The following IKZF1 variants were observed in gnomAD, a reference collection of about 807,000 sequenced individuals.
The protein encoded by IKZF1 is DNA-binding protein Ikaros.
A neutral mutation model predicts 51.7 loss-of-function variants in IKZF1; 10 were observed. The ratio of observed to expected loss-of-function variants is 0.19; its 90% CI spans 0.12 to 0.33. IKZF1 has a LOEUF of 0.33. IKZF1 is among the 10% of genes least tolerant of loss of function. IKZF1 has a pLI of 1.00. For missense variants in IKZF1, 484 were observed against 707.5 expected, an observed-to-expected ratio of 0.68 and a Z score of 3.58; for synonymous variants, 280 against 282.3, an observed-to-expected ratio of 0.99 and a Z score of 0.08.
chr7:50,400,586 T>G lies in IKZF1; in HGVS notation c.1519T>G (p.Ser507Ala). ...YHSQDRYEFS[S>A]HITRGEHRFH... ...CAGCCAGGACCGGTACGAGTTCTCG[T>G]CGCACATAACGCGAGGGGAGCACCG... Residue 507 changes from serine to alanine, a missense_variant, in exon 8 of 8, where the codon TCG becomes GCG. Physicochemically the swap from Ser to Ala is moderately conservative, Grantham distance 99. Coordinates refer to ENST00000331340, the MANE Select transcript of IKZF1 (RefSeq NM_006060.6). This position sits in a 1 kb window ranked among gnomAD's most constrained non-coding sequence, Gnocchi z 5.4. 1 of 1,613,146 alleles carries G rather than the reference T, an allele frequency of 6.2e-7. No homozygotes were observed. Among genetic ancestry groups the G allele is most frequent in the East Asian group, 2.2e-5 (1 of 44,868 alleles).
intron 3 of IKZF1, among the ~76,000 whole-genome samples, chr7:50,358,630 G>T (rs1584753120): frequency 1.3e-5 from 2 of 152,362 alleles, no homozygotes; most frequent in South Asian, 2.1e-4. Context: ...ACCTTCAGGT[G>T]GTTGGAGGCA....
chr7:50,305,271 G>C (rs1788513504), intron 1 of IKZF1, among the ~76,000 whole-genome samples: 1 of 152,142 alleles, frequency 6.6e-6, no homozygotes, highest in Non-Finnish European at 1.5e-5. Flanking sequence ...CCTTATATTT[G>C]AGCCGGGAGC....
At chr7:50,392,096 G>A (rs1209154312) in intron 7 of IKZF1, among the ~76,000 whole-genome samples, 1 of 152,218 alleles carries the variant, frequency 6.6e-6, no homozygotes, top group Non-Finnish European at 1.5e-5. Context: ...TCTGGGGCCT[G>A]CCCTGTGATC....
At chr7:50,325,906 T>A (rs547900233) in intron 2 of IKZF1, among the ~76,000 whole-genome samples, 3 of 152,386 alleles carry the variant, frequency 2.0e-5, no homozygotes, top group South Asian at 4.1e-4. Flanking sequence ...TGGGAAATTC[T>A]TATAATCCTG....
intron 3 of IKZF1, among the ~76,000 whole-genome samples, chr7:50,372,658 C>G (rs1809054806): frequency 6.6e-6 from 1 of 151,592 alleles, no homozygotes; most frequent in Admixed American, 6.5e-5. Context: ...TCTTCAAACT[C>G]TATATATTCC....
At chr7:50,326,419 T>C (rs1795035412) in intron 2 of IKZF1, among the ~76,000 whole-genome samples, 1 of 152,208 alleles carries the variant, frequency 6.6e-6, no homozygotes, top group African/African-American at 2.4e-5. Flanking sequence ...CACGTAGCTA[T>C]ACTGCATAAG....
At chr7:50,358,435 C>T (rs1804173912) in intron 3 of IKZF1, among the ~76,000 whole-genome samples, 1 of 152,210 alleles carries the variant, frequency 6.6e-6, no homozygotes, top group African/African-American at 2.4e-5. Flanking sequence ...AGAGGGGCAG[C>T]CAGCATTTCC....
chr7:50,347,344 G>A (rs1179372661), intron 3 of IKZF1, among the ~76,000 whole-genome samples: 1 of 152,180 alleles, frequency 6.6e-6, no homozygotes. Context: ...TCTCTGATAA[G>A]GATCAGATCC....
chr7:50,400,633 T>TC lies in IKZF1; in HGVS notation c.*9dup. 1.2e-6 allele frequency: 2 copies of TC among 1,602,342 alleles called. No homozygotes were observed. Among genetic ancestry groups the TC allele is most frequent in the Non-Finnish European group, 1.7e-6 (2 of 1,178,442 alleles). On this transcript the variant is annotated 3_prime_UTR_variant, in exon 8 of 8. Transcript: ENST00000331340. This position sits in a 1 kb window ranked among gnomAD's most constrained non-coding sequence, Gnocchi z 5.4. ...ACCGCTTCCACATGAGCTAAAGCCC[T>TC]CCCGCGCCCCCACCCCAGACCCCGA... is the stretch of plus-strand genomic sequence containing the variant.
intron 2 of IKZF1, 53 bp downstream of exon 2, chr7:50,319,154 G>A: frequency 1.3e-6 from 2 of 1,526,096 alleles, no homozygotes; most frequent in East Asian, 2.2e-5. Context: ...AGCTTCCCTG[G>A]GGCCGGAAGT....
Position 50,400,472 on chromosome 7 carries a change from G to T in IKZF1, c.1405G>T (p.Val469Leu), listed in dbSNP as rs750786723. ...GGTGTACAAGTGCGAACACTGCCGG[G>T]TGCTCTTCCTGGATCACGTCATGTA... is the stretch of plus-strand genomic sequence containing the variant. Reference protein sequence around the residue: ...MKVYKCEHCRVLFLDHVMYTI... With the variant: ...MKVYKCEHCRLLFLDHVMYTI... The change falls in exon 8 of 8, where the codon GTG becomes TTG. Residue 469 changes from valine to leucine, a missense_variant. By Grantham distance (32) the Val-to-Leu change is conservative (BLOSUM62 1). Transcript: ENST00000331340. This position sits in a 1 kb window ranked among gnomAD's most constrained non-coding sequence, Gnocchi z 5.4. 3 of 1,614,056 alleles carry T rather than the reference G, an allele frequency of 1.9e-6. No homozygotes were observed. Among genetic ancestry groups the T allele is most frequent in the Non-Finnish European group, 2.5e-6 (3 of 1,179,930 alleles).
At chr7:50,339,213 G>GCTT (rs1798474217) in intron 3 of IKZF1, among the ~76,000 whole-genome samples, 2 of 136,596 alleles carry the variant, frequency 1.5e-5, no homozygotes, top group South Asian at 5.0e-4. Flanking sequence ...TTTTGGGTAG[G>GCTT]GTTGTGTGTG....
rs147341185 is a variant in IKZF1 at position 50,389,405 on chromosome 7, G to A, written c.715+1935G>A. On this transcript the variant is annotated intron_variant, in intron 6 of 7. Transcript: ENST00000331340. Reference sequence around the variant, plus strand: ...TGTATTAAATATTACCCTGTGGTGAGTATCAATTTCACCCTAAAATGTTCA... The same window carrying A: ...TGTATTAAATATTACCCTGTGGTGAATATCAATTTCACCCTAAAATGTTCA... Among the ~76,000 whole-genome samples, 240 of 152,310 alleles carry A rather than the reference G, an allele frequency of 1.6e-3. 1 individual carries two copies. The highest frequency in any genetic ancestry group is 5.4e-3 in the African/African-American group (224 of 41,562).
At chr7:50,325,729 C>T (rs1057339839) in intron 2 of IKZF1, among the ~76,000 whole-genome samples, 10 of 151,694 alleles carry the variant, frequency 6.6e-5, no homozygotes, top group African/African-American at 1.9e-4. Flanking sequence ...GAGCCAAGAT[C>T]GCGCCACTGC....
intron 7 of IKZF1, 75 bp downstream of exon 7, chr7:50,391,938 G>A: frequency 6.8e-7 from 1 of 1,470,924 alleles, no homozygotes; most frequent in Non-Finnish European, 9.1e-7. Context: ...AATGAGTTGA[G>A]GGTGGAAGAA....
In IKZF1 at chr7:50,325,336, A is replaced by G. The variant is rs376315359; in HGVS notation, c.41-2302A>G. ...TTCATAAAGTCCTGGGAGTTTGAAC[A>G]CCATTGCTCTAGGAAGTCATCTTAT... On this transcript the variant is annotated intron_variant, in intron 2 of 7. Coordinates refer to ENST00000331340, the MANE Select transcript of IKZF1 (RefSeq NM_006060.6). Among the ~76,000 whole-genome samples, 21 of 145,872 alleles carry G rather than the reference A, an allele frequency of 1.4e-4. No homozygotes were observed. In the East Asian group the frequency reaches 3.9e-3, roughly 27 times the overall value.
chr7:50,387,978 C>G (rs566745977), intron 6 of IKZF1, among the ~76,000 whole-genome samples: 2 of 152,192 alleles, frequency 1.3e-5, no homozygotes, highest in South Asian at 4.1e-4. Context: ...TTGTTGGAAG[C>G]CCCTGGTAGT....
At chr7:50,360,358 T>C (rs1167846317) in intron 3 of IKZF1, among the ~76,000 whole-genome samples, 1 of 152,070 alleles carries the variant, frequency 6.6e-6, no homozygotes, top group East Asian at 1.9e-4. Flanking sequence ...AGTTGATCGC[T>C]TAGGTGGACA....
intron 3 of IKZF1, among the ~76,000 whole-genome samples, chr7:50,359,341 T>A (rs568304789): frequency 6.6e-6 from 1 of 152,358 alleles, no homozygotes; most frequent in Admixed American, 6.5e-5. Context: ...TGCTTCTTTG[T>A]TAAGAAATGG....
Sources: gnomAD v4.1 joint callset for allele counts (sites outside exome capture counted in the v4.1 genomes callset) on GRCh38, gnomAD v4.1.1 for gene constraint, Gnocchi (gnomAD v3.1) non-coding constraint, MANE v1.5 for transcripts, NCBI Gene and HGNC (gene_info 2026-07-23, HGNC 2026-07-21) for gene names.